Variants in MELK observed in about 807,000 individuals in gnomAD.
MELK encodes the protein pEg3 kinase.
MELK carries 81 observed loss-of-function variants against 85.0 expected under a neutral mutation model. The ratio of observed to expected loss-of-function variants is 0.95; its 90% CI spans 0.80 to 1.15. The LOEUF (loss-of-function observed/expected upper bound fraction) is 1.15. Among genes scored for constraint, MELK ranks in the 50% most tolerant of loss-of-function variants. MELK has a pLI of 0.00. For missense variants in MELK, 754 were observed against 777.5 expected (o/e 0.97, Z 0.36); for synonymous variants, 252 against 265.0 (o/e 0.95, Z 0.48).
At chr9:36,674,295 T>A (rs1309980470) in intron 16 of MELK, among the ~76,000 whole-genome samples, 4 of 152,152 alleles carry the variant, frequency 2.6e-5, no homozygotes, top group Non-Finnish European at 5.9e-5. Context: ...TGAGAAAAAA[T>A]AATATGACAT....
intron 13 of MELK, 56 bp from the exon 14 acceptor site, chr9:36,665,294 A>T (rs1832228706): frequency 1.1e-5 from 12 of 1,066,776 alleles, no homozygotes; most frequent in Non-Finnish European, 1.7e-5. Context: ...GGAATGTTGT[A>T]AAGAAATTGA....
At chr9:36,618,070 A>G (rs935321543) in intron 8 of MELK, among the ~76,000 whole-genome samples, 1 of 151,814 alleles carries the variant, frequency 6.6e-6, no homozygotes, top group Non-Finnish European at 1.5e-5. Flanking sequence ...TCAACGCTGC[A>G]GTGAGCTATG....
chr9:36,602,487 CAAAAAAAAA>C (rs765623860), intron 7 of MELK, among the ~76,000 whole-genome samples: 1 of 41,372 alleles, frequency 2.4e-5, no homozygotes, highest in Admixed American at 3.1e-4. Flanking sequence ...AAGACTGTCT[CAAAAAAAAA>C]AAAAAAAAAA....
At chr9:36,618,981 C>T (rs561680060) in intron 8 of MELK, among the ~76,000 whole-genome samples, 11 of 140,550 alleles carry the variant, frequency 7.8e-5, no homozygotes, top group African/African-American at 2.1e-4. Context: ...TTTTTTGAGA[C>T]GGAGTCTTGC....
At chr9:36,636,770 T>TCTG (rs1829207425) in intron 10 of MELK, among the ~76,000 whole-genome samples, 1 of 111,172 alleles carries the variant, frequency 9.0e-6, no homozygotes. Context: ...CTTTCTTTCT[T>TCTG]TCTTTCTTTC....
chr9:36,583,264 C>T (rs944953719), intron 2 of MELK, among the ~76,000 whole-genome samples: 2 of 152,096 alleles, frequency 1.3e-5, no homozygotes, highest in African/African-American at 4.8e-5. Context: ...TGAGCCACCG[C>T]GCCCGGCCTC....
intron 5 of MELK, among the ~76,000 whole-genome samples, chr9:36,595,605 G>T (rs907853027): frequency 2.4e-5 from 3 of 122,692 alleles, no homozygotes; most frequent in East Asian, 2.4e-4. Flanking sequence ...TAAATGTCTT[G>T]TTTTTTTTTT....
intron 8 of MELK, among the ~76,000 whole-genome samples, chr9:36,615,229 G>A (rs1297463261): frequency 4.3e-5 from 6 of 138,338 alleles, no homozygotes; most frequent in African/African-American, 1.5e-4. Context: ...CAGACGGCAC[G>A]GCTGGCCAGG....
At chr9:36,646,157 T>C (rs1363930362) in intron 11 of MELK, among the ~76,000 whole-genome samples, 3 of 152,154 alleles carry the variant, frequency 2.0e-5, no homozygotes, top group African/African-American at 4.8e-5. Flanking sequence ...CCAGGTCAGA[T>C]GTCAATAGTG....
intron 8 of MELK, among the ~76,000 whole-genome samples, chr9:36,626,739 C>T (rs1354818874): frequency 1.3e-5 from 2 of 151,942 alleles, no homozygotes; most frequent in African/African-American, 4.8e-5. Flanking sequence ...GGGCGGATCA[C>T]CTGAGGTCAG....
In MELK at chr9:36,677,456, A is replaced by G. The variant is rs1272414350; in HGVS notation, c.*119A>G. 20 of 839,978 alleles carry G rather than the reference A, an allele frequency of 2.4e-5. No individual in the cohort carries two copies. In the East Asian group the frequency reaches 5.4e-4, roughly 23 times the overall value. The allele number at this position is 839,978 out of a possible 1,614,324, so 52.0% of individuals were successfully genotyped here. On this transcript the variant is annotated 3_prime_UTR_variant, in exon 18 of 18. Transcript: ENST00000298048. ...ACTACCAACTTGTTTCTAAAGAGCT[A>G]TCTTAAGACCAATATCTCTTTGTTT...
intron 13 of MELK, among the ~76,000 whole-genome samples, chr9:36,657,623 C>G (rs1275033304): frequency 4.6e-5 from 7 of 152,212 alleles, no homozygotes; most frequent in Admixed American, 3.9e-4. Flanking sequence ...CTGAGTCTTG[C>G]TCTGTTGGCC....
chr9:36,645,307 A>C (rs1830129218), intron 11 of MELK, among the ~76,000 whole-genome samples: 1 of 151,918 alleles, frequency 6.6e-6, no homozygotes. Flanking sequence ...TAATCATTGA[A>C]AAAGTCTTTA....
chr9:36,669,440 A>G (rs1486486496), intron 15 of MELK, 34 bp downstream of exon 15: 3 of 1,424,400 alleles, frequency 2.1e-6, no homozygotes, highest in African/African-American at 2.9e-5. Flanking sequence ...TCTAATCTTT[A>G]GTATATGTAA....
chr9:36,592,795 T>C (rs1290183763), intron 4 of MELK, among the ~76,000 whole-genome samples: 1 of 152,204 alleles, frequency 6.6e-6, no homozygotes, highest in African/African-American at 2.4e-5. Context: ...AAACATTTCC[T>C]ATTGAGGTAT....
chr9:36,612,182 G>A (rs1449324092), intron 8 of MELK, among the ~76,000 whole-genome samples: 3 of 151,590 alleles, frequency 2.0e-5, no homozygotes, highest in Admixed American at 2.0e-4. Flanking sequence ...TGCAACCTCC[G>A]CCTCCTCAGT....
chr9:36,594,574 T>C (rs1268472959), intron 4 of MELK, 54 bp from the exon 5 acceptor site: 3 of 1,573,496 alleles, frequency 1.9e-6, no homozygotes, highest in Non-Finnish European at 2.6e-6. Flanking sequence ...TTTAAATTTC[T>C]GTGAAGTGAT....
chr9:36,624,999 GGTT>G (rs999821443), intron 8 of MELK, among the ~76,000 whole-genome samples: 1 of 152,040 alleles, frequency 6.6e-6, no homozygotes, highest in Non-Finnish European at 1.5e-5. Context: ...AGTTTCCTAG[GGTT>G]GTTGTAACAA....
intron 11 of MELK, among the ~76,000 whole-genome samples, chr9:36,648,760 G>T (rs999684801): frequency 6.6e-6 from 1 of 152,118 alleles, no homozygotes; most frequent in Admixed American, 6.5e-5. Flanking sequence ...GTTCCTGTCC[G>T]TTCATCTTAG....
Sources: gnomAD v4.1 joint callset for allele counts (sites outside exome capture counted in the v4.1 genomes callset) on GRCh38, gnomAD v4.1.1 for gene constraint, MANE v1.5 for transcripts, NCBI Gene and HGNC (gene_info 2026-07-23, HGNC 2026-07-21) for gene names.